Variants in RBM47 observed in about 807,000 individuals in gnomAD.
RBM47 encodes RNA-binding protein 47.
In RBM47, 21 loss-of-function variants were observed where a neutral mutation model predicts 47.1. The observed-to-expected ratio is 0.45, with a 90% CI of 0.32 to 0.64. The LOEUF (loss-of-function observed/expected upper bound fraction) is 0.64, where lower values mean the gene tolerates loss of function less well. RBM47 is among the 30% of genes least tolerant of loss of function. RBM47 has a pLI of 0.05. For missense variants in RBM47, 708 were observed against 870.9 expected, an observed-to-expected ratio of 0.81 and a Z score of 2.35; for synonymous variants, 375 against 361.7, an observed-to-expected ratio of 1.04 and a Z score of -0.42.
rs189189451 is a variant in RBM47 at position 40,602,166 on chromosome 4, A to T, written c.-240+27230T>A. Among the ~76,000 whole-genome samples, 1,501 of 151,510 alleles carry T rather than the reference A, an allele frequency of 9.9e-3. 14 individuals carry two copies. Among genetic ancestry groups the T allele is most frequent in the Middle Eastern group, 0.017 (5 of 294 alleles). ...ACTCCAGCCTGGGTGACAGAGCAAG[A>T]CTCCATCGAGAAAAAGAAAAAGAAA... On this transcript the variant is annotated intron_variant, in intron 1 of 6. Coordinates refer to ENST00000295971, the MANE Select transcript of RBM47 (RefSeq NM_001098634.2).
chr4:40,502,066 T>C (rs372435266), intron 2 of RBM47: 2 of 154,312 alleles, frequency 1.3e-5, no homozygotes, highest in African/African-American at 2.4e-5. Flanking sequence ...AAGGTTTCCA[T>C]CCATGTAGAC....
At chr4:40,588,451 A>G (rs1733802957) in intron 1 of RBM47, among the ~76,000 whole-genome samples, 1 of 152,210 alleles carries the variant, frequency 6.6e-6, no homozygotes, top group Admixed American at 6.5e-5. Flanking sequence ...AAGGAGGACC[A>G]TCATAGGAAG....
At chr4:40,554,816 C>T (rs1729917568) in intron 1 of RBM47, among the ~76,000 whole-genome samples, 1 of 145,410 alleles carries the variant, frequency 6.9e-6, no homozygotes, top group Non-Finnish European at 1.5e-5. Context: ...GGCTTAAGGG[C>T]AGTGGCGTGA....
Position 40,423,656 on chromosome 4 carries a change from CTTTCTTTCTT to C in RBM47, c.*2238_*2247del, listed in dbSNP as rs1157116458. ...TTTTTTTTATTCTTTCTTTCTTTTT[CTTTCTTTCTT>C]TCTTTCTTTCTTTCTTTCTTTCTTT... On this transcript the variant is annotated 3_prime_UTR_variant, in exon 7 of 7. Coordinates refer to ENST00000295971, the MANE Select transcript of RBM47 (RefSeq NM_001098634.2). 66 of 14,562 alleles carry C rather than the reference CTTTCTTTCTT, an allele frequency of 4.5e-3. No homozygotes were observed. The highest frequency in any genetic ancestry group is 0.016 in the South Asian group (8 of 496). The allele number at this position is 14,562 out of a possible 1,614,324, so 0.9% of individuals were successfully genotyped here. A position where few individuals can be genotyped will look rare whatever the true frequency, so the allele number is the denominator to read the frequency against.
intron 3 of RBM47, among the ~76,000 whole-genome samples, chr4:40,447,200 G>A (rs1299966326): frequency 3.9e-5 from 6 of 152,166 alleles, no homozygotes; most frequent in Non-Finnish European, 8.8e-5. Flanking sequence ...AGTCTTCACT[G>A]AAGGCTGCTA....
chr4:40,607,994 A>C (rs537620495), intron 1 of RBM47, among the ~76,000 whole-genome samples: 13 of 151,494 alleles, frequency 8.6e-5, no homozygotes, highest in African/African-American at 3.2e-4. Flanking sequence ...AGACCCAGCT[A>C]CTCAGCAGGC....
intron 1 of RBM47, among the ~76,000 whole-genome samples, chr4:40,575,847 C>T (rs1437531936): frequency 6.6e-6 from 1 of 152,170 alleles, no homozygotes; most frequent in African/African-American, 2.4e-5. Flanking sequence ...TCATGGTTTC[C>T]TCTGTGCTTG....
intron 1 of RBM47, among the ~76,000 whole-genome samples, chr4:40,618,247 A>AAAAAG (rs1736921739): frequency 5.9e-5 from 9 of 152,010 alleles, no homozygotes; most frequent in African/African-American, 2.2e-4. Flanking sequence ...AAAAAAAAGA[A>AAAAAG]AAAAGAAAAT....
intron 1 of RBM47, among the ~76,000 whole-genome samples, chr4:40,569,070 G>C (rs991718623): frequency 6.6e-6 from 1 of 151,722 alleles, no homozygotes; most frequent in Non-Finnish European, 1.5e-5. Context: ...TAGTATATGT[G>C]GTCTGGGAGG....
Position 40,438,329 on chromosome 4 carries a change from C to A in RBM47, c.565G>T (p.Asp189Tyr). The change falls in exon 4 of 7, where the codon GAC (aspartate) becomes TAC (tyrosine). Residue 189 changes from aspartate (D) to tyrosine (Y), a missense_variant. By Grantham distance (160) the Asp-to-Tyr change is radical. Transcript: ENST00000295971. The stretch of plus-strand genomic sequence containing the variant: ...GCGAAGCCGCGGTTCTTCATCTTGT[C>A]GGCCGCGCTGGCGTAGACGATCACG... Reference protein sequence around the residue: ...LDVIVYASAADKMKNRGFAFV... With the variant: ...LDVIVYASAAYKMKNRGFAFV... The A allele has an allele frequency of 1.9e-6, 3 of 1,608,900 alleles. No homozygotes were observed. In the South Asian group the frequency reaches 3.3e-5, roughly 18 times the overall value.
At chr4:40,523,994 A>G (rs1010923886) in intron 2 of RBM47, among the ~76,000 whole-genome samples, 1 of 152,190 alleles carries the variant, frequency 6.6e-6, no homozygotes, top group African/African-American at 2.4e-5. Flanking sequence ...TGTTCCATAC[A>G]ATGTTTGGGA....
chr4:40,503,071 A>C (rs1266037431), intron 2 of RBM47, among the ~76,000 whole-genome samples: 1 of 152,092 alleles, frequency 6.6e-6, no homozygotes, highest in Non-Finnish European at 1.5e-5. Context: ...TACATCACAG[A>C]CTCAGAAACA....
At chr4:40,558,826 T>G (rs933806201) in intron 1 of RBM47, among the ~76,000 whole-genome samples, 2 of 129,808 alleles carry the variant, frequency 1.5e-5, no homozygotes, top group Non-Finnish European at 3.3e-5. Flanking sequence ...AAACTCTGTC[T>G]AAAAAAAAAA....
intron 4 of RBM47, 76 bp from the exon 5 acceptor site, chr4:40,436,723 C>G: frequency 6.5e-6 from 9 of 1,391,136 alleles, no homozygotes; most frequent in Non-Finnish European, 9.1e-6. Context: ...CCTCGGTTCT[C>G]GGCATTTAAC....
At chr4:40,535,371 C>CTTTTTTTTTTTTTTTTTTCTTTTTTTT (rs1553897874) in intron 2 of RBM47, among the ~76,000 whole-genome samples, 3 of 103,432 alleles carry the variant, frequency 2.9e-5, no homozygotes, top group African/African-American at 1.3e-4. Flanking sequence ...TATGGTATTT[C>CTTTTTTTTTTTTTTTTTTCTTTTTTTT]TTTTTTTTTT....
intron 2 of RBM47, among the ~76,000 whole-genome samples, chr4:40,487,629 T>A (rs1721281536): frequency 6.6e-6 from 1 of 152,118 alleles, no homozygotes; most frequent in African/African-American, 2.4e-5. Context: ...GACAGTCAAC[T>A]AGGCACCCCT....
rs1264716852 is a variant in RBM47, at chr4:40,438,020, C to T, written c.874G>A (p.Glu292Lys). 9 of 1,613,530 alleles carry T rather than the reference C, an allele frequency of 5.6e-6. No homozygotes were observed. The highest frequency in any genetic ancestry group is 3.3e-5 in the Admixed American group (2 of 60,014). The change falls in exon 4 of 7, where the codon GAG becomes AAG. Residue 292 changes from glutamate to lysine, a missense_variant. Transcript: ENST00000295971. ...TTGTTCATGGCATGCACGGCATCCT[C>T]GCGGCTGGTGAAGTGCACGAAGGCG... ...DYAFVHFTSR[E>K]DAVHAMNNLN...
chr4:40,532,866 A>G (rs570203806), intron 2 of RBM47, among the ~76,000 whole-genome samples: 3 of 152,270 alleles, frequency 2.0e-5, no homozygotes, highest in Non-Finnish European at 4.4e-5. Context: ...TCTCTAGGCT[A>G]TACCAGTAGC....
intron 3 of RBM47, among the ~76,000 whole-genome samples, chr4:40,465,811 G>GTAAAA (rs1717927915): frequency 6.6e-6 from 1 of 152,116 alleles, no homozygotes; most frequent in Non-Finnish European, 1.5e-5. Context: ...CATGAATTGG[G>GTAAAA]ATGACAGTTA....
Sources: allele counts gnomAD v4.1 joint callset (sites outside exome capture counted in the v4.1 genomes callset), GRCh38; gene constraint gnomAD v4.1.1; transcripts MANE v1.5; gene names NCBI Gene and HGNC (gene_info 2026-07-23, HGNC 2026-07-21).